The following GALNTL6 variants were observed in gnomAD, a reference collection of about 807,000 sequenced individuals.
GALNTL6 encodes the protein polypeptide N-acetylgalactosaminyltransferase-like 6.
GALNTL6 carries 46 observed loss-of-function variants against 73.7 expected under a neutral mutation model. The observed-to-expected ratio is 0.62, with a 90% CI of 0.49 to 0.80. The LOEUF is 0.80. GALNTL6 is among the 30% of genes least tolerant of loss of function. GALNTL6 has a pLI of 0.00. For synonymous variants in GALNTL6, 259 were observed against 263.7 expected (o/e 0.98, Z 0.17); for missense variants, 604 against 755.0 (o/e 0.80, Z 2.34).
chr4:171,846,478 C>T (rs1735373177), intron 2 of GALNTL6, among the ~76,000 whole-genome samples: 1 of 152,068 alleles, frequency 6.6e-6, no homozygotes, highest in Non-Finnish European at 1.5e-5. Flanking sequence ...TGCGCTGGGG[C>T]TCGTTGGCTG....
chr4:172,026,050 T>G (rs1741562343), intron 2 of GALNTL6, among the ~76,000 whole-genome samples: 1 of 151,984 alleles, frequency 6.6e-6, no homozygotes, highest in Non-Finnish European at 1.5e-5. Flanking sequence ...AACAGACAAT[T>G]TGATCCCTTG....
intron 5 of GALNTL6, among the ~76,000 whole-genome samples, chr4:172,480,654 AAGAATG>A (rs1733418930): frequency 6.6e-6 from 1 of 152,212 alleles, no homozygotes; most frequent in Admixed American, 6.5e-5. Context: ...TTAAAATAGT[AAGAATG>A]TATTATTGTT....
intron 5 of GALNTL6, among the ~76,000 whole-genome samples, chr4:172,789,134 G>C (rs1050871043): frequency 3.9e-5 from 6 of 152,106 alleles, no homozygotes; most frequent in Non-Finnish European, 8.8e-5. Flanking sequence ...AGATCCCAGA[G>C]GTAGAAAGCT....
chr4:172,487,364 TTCC>T (rs1421944527), intron 5 of GALNTL6, among the ~76,000 whole-genome samples: 11,359 of 127,430 alleles, frequency 0.089, 548 homozygotes, highest in Non-Finnish European at 0.13. Context: ...CTTTCCTTCT[TTCC>T]TTCTTTTCTT....
At chr4:172,569,783 G>A (rs1050809188) in intron 5 of GALNTL6, among the ~76,000 whole-genome samples, 1 of 151,664 alleles carries the variant, frequency 6.6e-6, no homozygotes, top group Non-Finnish European at 1.5e-5. Flanking sequence ...AGCTATCAAG[G>A]AAAGATTAGG....
intron 7 of GALNTL6, among the ~76,000 whole-genome samples, chr4:172,824,361 A>G (rs997481052): frequency 1.1e-4 from 13 of 119,684 alleles, no homozygotes; most frequent in African/African-American, 5.9e-4. Context: ...TCCATGGTAT[A>G]GTGTGTGTGT....
chr4:173,032,654 C>T (rs6842312), intron 12 of GALNTL6, among the ~76,000 whole-genome samples: 4,257 of 152,226 alleles, frequency 0.028, 216 homozygotes, highest in African/African-American at 0.097. Context: ...CACTGTGCTT[C>T]AGCCTGGGCA....
intron 2 of GALNTL6, among the ~76,000 whole-genome samples, chr4:172,018,160 G>A (rs1227629471): frequency 6.6e-6 from 1 of 151,992 alleles, no homozygotes; most frequent in East Asian, 1.9e-4. Context: ...TAAAGGAGGT[G>A]GTCCTTTCAA....
intron 2 of GALNTL6, among the ~76,000 whole-genome samples, chr4:172,050,439 A>G (rs1036933079): frequency 6.6e-6 from 1 of 152,204 alleles, no homozygotes; most frequent in African/African-American, 2.4e-5. Flanking sequence ...GCAGTTGGTT[A>G]AAAAAGAGAA....
intron 5 of GALNTL6, among the ~76,000 whole-genome samples, chr4:172,402,403 C>T (rs1744075607): frequency 6.6e-6 from 1 of 152,176 alleles, no homozygotes; most frequent in East Asian, 1.9e-4. Context: ...AGGTCAATGG[C>T]ACTGCTACCT....
At chr4:171,863,269 C>T (rs1195698168) in intron 2 of GALNTL6, among the ~76,000 whole-genome samples, 1 of 152,098 alleles carries the variant, frequency 6.6e-6, no homozygotes, top group African/African-American at 2.4e-5. Flanking sequence ...AATCAATAAA[C>T]ATATTTTTTA....
At chr4:173,039,405 C>G (rs74593560) in intron 12 of GALNTL6, among the ~76,000 whole-genome samples, 1 of 151,160 alleles carries the variant, frequency 6.6e-6, no homozygotes, top group African/African-American at 2.4e-5. Context: ...TTGACTGCTG[C>G]TTTTTTTTTT....
intron 10 of GALNTL6, among the ~76,000 whole-genome samples, chr4:172,980,940 T>G (rs896722837): frequency 6.6e-6 from 1 of 152,216 alleles, no homozygotes; most frequent in Non-Finnish European, 1.5e-5. Context: ...ATAAGTAGAA[T>G]CACACAATAT....
intron 5 of GALNTL6, among the ~76,000 whole-genome samples, chr4:172,464,192 C>T (rs1012563459): frequency 6.6e-6 from 1 of 152,094 alleles, no homozygotes; most frequent in Non-Finnish European, 1.5e-5. Context: ...CAAGCCACTG[C>T]ACCTGGCCCT....
At chr4:172,018,161 G>A (rs1345999136) in intron 2 of GALNTL6, among the ~76,000 whole-genome samples, 1 of 152,052 alleles carries the variant, frequency 6.6e-6, no homozygotes, top group Non-Finnish European at 1.5e-5. Context: ...AAAGGAGGTG[G>A]TCCTTTCAAC....
chr4:172,440,898 C>G (rs183389315), intron 5 of GALNTL6, among the ~76,000 whole-genome samples: 21 of 151,940 alleles, frequency 1.4e-4, no homozygotes, highest in Middle Eastern at 3.4e-3. Flanking sequence ...ATCAATTTGT[C>G]TTTTACTGTT....
intron 10 of GALNTL6, among the ~76,000 whole-genome samples, chr4:172,978,935 A>G (rs1053024419): frequency 2.0e-5 from 3 of 152,232 alleles, no homozygotes; most frequent in African/African-American, 7.2e-5. Flanking sequence ...AGTCACTTTA[A>G]TGTCTCTCCT....
intron 5 of GALNTL6, among the ~76,000 whole-genome samples, chr4:172,653,587 T>A (rs979858175): frequency 3.9e-5 from 6 of 152,240 alleles, no homozygotes; most frequent in African/African-American, 1.4e-4. Flanking sequence ...ACATTCTGCT[T>A]CTCTATATCC....
intron 5 of GALNTL6, among the ~76,000 whole-genome samples, chr4:172,624,040 C>A (rs958100987): frequency 5.3e-5 from 8 of 152,126 alleles, no homozygotes; most frequent in African/African-American, 1.9e-4. Flanking sequence ...TTAACAGAAG[C>A]CTGTACTTGA....
Sources: gnomAD v4.1 joint callset for allele counts (sites outside exome capture counted in the v4.1 genomes callset) on GRCh38, gnomAD v4.1.1 for gene constraint, MANE v1.5 for transcripts, NCBI Gene and HGNC (gene_info 2026-07-23, HGNC 2026-07-21) for gene names.